Variants in MAP4K4 observed in about 807,000 individuals in gnomAD.
MAP4K4 encodes mitogen-activated protein kinase kinase kinase kinase 4.
MAP4K4 carries 38 observed loss-of-function variants against 189.6 expected under a neutral mutation model. The ratio of observed to expected loss-of-function variants is 0.20; its 90% CI spans 0.15 to 0.26. The LOEUF is 0.26. Among genes scored for constraint, MAP4K4 ranks in the 10% least tolerant of loss-of-function variants. The probability of loss-of-function intolerance (pLI) is 1.00; values close to 1 mark genes in which losing one functional copy is unlikely to be tolerated. For synonymous variants in MAP4K4, 610 were observed against 624.3 expected (o/e 0.98, Z 0.34); for missense variants, 1,054 against 1,726.9 (o/e 0.61, Z 6.91).
chr2:101,760,922 G>C (rs947014877), intron 2 of MAP4K4, among the ~76,000 whole-genome samples: 7 of 152,216 alleles, frequency 4.6e-5, no homozygotes, highest in Non-Finnish European at 8.8e-5. Context: ...AGAATCGCTT[G>C]AATCTGGGAG....
chr2:101,814,147 T>C (rs879291459), intron 3 of MAP4K4, among the ~76,000 whole-genome samples: 8 of 152,204 alleles, frequency 5.3e-5, no homozygotes, highest in Admixed American at 5.2e-4. Flanking sequence ...AAGTGTTGAG[T>C]GACCTCCAGA....
intron 2 of MAP4K4, among the ~76,000 whole-genome samples, chr2:101,750,014 G>C (rs991253707): frequency 1.7e-4 from 25 of 146,952 alleles, no homozygotes; most frequent in African/African-American, 6.0e-4. Context: ...GAAACAACAG[G>C]TGCTGGAGAG....
chr2:101,843,776 G>A (rs769280340), intron 11 of MAP4K4, among the ~76,000 whole-genome samples: 1 of 152,070 alleles, frequency 6.6e-6, no homozygotes, highest in Admixed American at 6.6e-5. Context: ...AAAAAAAAGT[G>A]GTTAAAGGAC....
chr2:101,850,379 TA>T (rs779772883), intron 12 of MAP4K4, among the ~76,000 whole-genome samples: 1 of 152,232 alleles, frequency 6.6e-6, no homozygotes, highest in Non-Finnish European at 1.5e-5. Context: ...AAAAAATTAA[TA>T]AACTGTGCCA....
intron 2 of MAP4K4, among the ~76,000 whole-genome samples, chr2:101,754,465 C>T (rs1297899043): frequency 6.6e-6 from 1 of 150,632 alleles, no homozygotes; most frequent in Non-Finnish European, 1.5e-5. Flanking sequence ...AAATCTCCTG[C>T]CTCAGTTTCC....
At chr2:101,736,190 C>CT (rs2060205581) in intron 2 of MAP4K4, among the ~76,000 whole-genome samples, 1 of 152,272 alleles carries the variant, frequency 6.6e-6, no homozygotes, top group South Asian at 2.1e-4. Context: ...TGCTCCCTAA[C>CT]TTTCAGCTGT....
At chr2:101,779,327 G>A (rs1171560902) in intron 2 of MAP4K4, among the ~76,000 whole-genome samples, 1 of 152,176 alleles carries the variant, frequency 6.6e-6, no homozygotes, top group Non-Finnish European at 1.5e-5. Flanking sequence ...ATGCAGAGTA[G>A]TCAGGGAAGG....
intron 30 of MAP4K4, 129 bp downstream of exon 30, chr2:101,887,366 A>G (rs2098503087): frequency 1.6e-5 from 14 of 870,454 alleles, no homozygotes; most frequent in Non-Finnish European, 2.4e-5. Flanking sequence ...TGAGTATTTA[A>G]ATGATACGCA....
chr2:101,705,791 G>T (rs2042015710), intron 2 of MAP4K4, among the ~76,000 whole-genome samples: 1 of 152,204 alleles, frequency 6.6e-6, no homozygotes, highest in Non-Finnish European at 1.5e-5. Context: ...TAAACTGTGG[G>T]TGGTTGGTGT....
intron 2 of MAP4K4, among the ~76,000 whole-genome samples, chr2:101,722,387 T>C (rs1027541374): frequency 1.3e-5 from 2 of 152,232 alleles, no homozygotes; most frequent in African/African-American, 4.8e-5. Context: ...TTTTTGTGAA[T>C]TTTTCTCTCG....
chr2:101,728,211 A>C (rs1440344987), intron 2 of MAP4K4, among the ~76,000 whole-genome samples: 1 of 152,160 alleles, frequency 6.6e-6, no homozygotes, highest in Non-Finnish European at 1.5e-5. Context: ...CATGCTAGCA[A>C]GATTTTTATC....
exon 13 of MAP4K4, chr2:101,856,043 G>A: frequency 2.6e-6 from 4 of 1,551,830 alleles, no homozygotes; most frequent in Non-Finnish European, 3.5e-6. Context: ...AGAACAAGAA[G>A]AAAAGAGGCG....
chr2:101,849,267 C>T (rs1013843503), intron 12 of MAP4K4, among the ~76,000 whole-genome samples: 1 of 152,076 alleles, frequency 6.6e-6, no homozygotes, highest in African/African-American at 2.4e-5. Flanking sequence ...GGTCTACAGG[C>T]ATGCACCAGC....
chr2:101,766,119 T>G (rs2078526043), intron 2 of MAP4K4, among the ~76,000 whole-genome samples: 1 of 152,252 alleles, frequency 6.6e-6, no homozygotes, highest in Non-Finnish European at 1.5e-5. Context: ...TATCTTTGAC[T>G]GCTTCTGAGA....
At chr2:101,831,932 C>A in intron 7 of MAP4K4, 81 bp downstream of exon 7, 1 of 1,483,448 alleles carries the variant, frequency 6.7e-7, no homozygotes, top group Non-Finnish European at 9.1e-7. Flanking sequence ...AAATTGCACA[C>A]CCCTTGTCTG....
intron 3 of MAP4K4, among the ~76,000 whole-genome samples, chr2:101,805,041 C>G (rs1220410105): frequency 6.9e-6 from 1 of 144,398 alleles, no homozygotes; most frequent in Non-Finnish European, 1.5e-5. Flanking sequence ...ACCATGCACT[C>G]CAGCCTGGGT....
At chr2:101,788,823 A>T (rs2092273410) in intron 2 of MAP4K4, among the ~76,000 whole-genome samples, 1 of 152,132 alleles carries the variant, frequency 6.6e-6, no homozygotes, top group South Asian at 2.1e-4. Flanking sequence ...GGAAGCATAG[A>T]CCATTTTCTG....
chr2:101,700,490 A>G (rs2149125198), intron 2 of MAP4K4, among the ~76,000 whole-genome samples: 1 of 152,324 alleles, frequency 6.6e-6, no homozygotes, highest in Non-Finnish European at 1.5e-5. Flanking sequence ...ACAGTCCAGA[A>G]CAAAATAGTG....
In MAP4K4 at chr2:101,738,536, A is replaced by T. The variant is rs543684038; in HGVS notation, c.123+39998A>T. On this transcript the variant is annotated intron_variant, in intron 2 of 32. Coordinates refer to ENST00000324219, the Ensembl canonical transcript of MAP4K4. ...CTTTGGGAGTCGATTTGTAGAGTGAAAGAAATCGACTTGTAGAGTGAAAGA... is the reference window on the plus strand; with the variant it reads ...CTTTGGGAGTCGATTTGTAGAGTGATAGAAATCGACTTGTAGAGTGAAAGA... 2.0e-5 allele frequency among the ~76,000 whole-genome samples: 3 copies of T among 152,306 alleles called. No homozygotes were observed. The East Asian group carries it at 5.8e-4, about 29-fold the overall frequency.
Sources: allele counts gnomAD v4.1 joint callset (sites outside exome capture counted in the v4.1 genomes callset), GRCh38; gene constraint gnomAD v4.1.1; transcripts MANE v1.5; gene names NCBI Gene and HGNC (gene_info 2026-07-23, HGNC 2026-07-21).